Variants in SLC4A4 observed in about 807,000 individuals in gnomAD.
SLC4A4 encodes solute carrier family 4 member 4.
Under a neutral mutation model 111.5 loss-of-function variants are expected in SLC4A4, and 27 were observed. That is an observed-to-expected ratio of 0.24 (90% CI 0.18 to 0.33). The LOEUF (loss-of-function observed/expected upper bound fraction) is 0.33. SLC4A4 is among the 10% of genes least tolerant of loss of function. The pLI, the probability that SLC4A4 is intolerant of heterozygous loss-of-function variation, is 1.00. For missense variants in SLC4A4, 909 were observed against 1,315.5 expected (o/e 0.69, Z 4.78); for synonymous variants, 443 against 463.4 (o/e 0.96, Z 0.57).
chr4:71,542,168 C>G (rs534288146), intron 18 of SLC4A4, among the ~76,000 whole-genome samples: 2 of 152,058 alleles, frequency 1.3e-5, no homozygotes, highest in Non-Finnish European at 2.9e-5. Flanking sequence ...TAATGTTTGT[C>G]GGACACTGTA....
chr4:71,324,226 G>C (rs1727335128), intron 3 of SLC4A4, among the ~76,000 whole-genome samples: 1 of 151,886 alleles, frequency 6.6e-6, no homozygotes, highest in Non-Finnish European at 1.5e-5. Flanking sequence ...ATGGTATCAT[G>C]GAAGGTGAAA....
intron 1 of SLC4A4, among the ~76,000 whole-genome samples, chr4:71,220,361 T>C (rs1314223376): frequency 6.6e-6 from 1 of 152,198 alleles, no homozygotes; most frequent in African/African-American, 2.4e-5. Context: ...ACGTAACTTT[T>C]ATATGCATTG....
chr4:71,251,286 A>G (rs991779707), intron 2 of SLC4A4, among the ~76,000 whole-genome samples: 3 of 152,232 alleles, frequency 2.0e-5, no homozygotes, highest in Admixed American at 2.0e-4. Context: ...TTTGTTTGCC[A>G]GAAAACATTG....
At chr4:71,325,217 A>G (rs1330310510) in intron 3 of SLC4A4, among the ~76,000 whole-genome samples, 1 of 151,866 alleles carries the variant, frequency 6.6e-6, no homozygotes, top group African/African-American at 2.4e-5. Context: ...TAACTTGTAC[A>G]CATCTCTCCA....
chr4:71,345,709 C>T (rs1411285414), intron 4 of SLC4A4, among the ~76,000 whole-genome samples: 1 of 151,974 alleles, frequency 6.6e-6, no homozygotes, highest in African/African-American at 2.4e-5. Context: ...AGACTGCTCT[C>T]TCCCAGTCTA....
At chr4:71,087,384 T>A (rs1045911680) in intron 1 of SLC4A4, among the ~76,000 whole-genome samples, 5 of 152,042 alleles carry the variant, frequency 3.3e-5, no homozygotes, top group East Asian at 1.9e-4. Context: ...TTTTGAAGGG[T>A]TTTTTGTGTC....
At chr4:71,312,618 AT>A (rs1388768340) in intron 3 of SLC4A4, among the ~76,000 whole-genome samples, 1 of 152,218 alleles carries the variant, frequency 6.6e-6, no homozygotes, top group African/African-American at 2.4e-5. Flanking sequence ...CTGGTTCAAC[AT>A]ATGCAAATCA....
chr4:71,309,111 G>A (rs974819892), intron 3 of SLC4A4, among the ~76,000 whole-genome samples: 11 of 152,132 alleles, frequency 7.2e-5, no homozygotes, highest in South Asian at 6.2e-4. Context: ...AGGACTGGAC[G>A]TAACTCAACA....
chr4:71,289,914 A>G (rs1319017623), intron 3 of SLC4A4, among the ~76,000 whole-genome samples: 1 of 152,234 alleles, frequency 6.6e-6, no homozygotes, highest in Non-Finnish European at 1.5e-5. Flanking sequence ...TCTTGAGTAT[A>G]TGCAATGTGC....
chr4:71,563,970 A>C (rs1328490528), intron 24 of SLC4A4, 81 bp downstream of exon 24: 1 of 881,262 alleles, frequency 1.1e-6, no homozygotes, highest in African/African-American at 1.7e-5. Flanking sequence ...GGCCATCTGC[A>C]TTAACTTTCC....
In SLC4A4 at chr4:71,466,543, C is replaced by T. The variant is rs1294684623; in HGVS notation, c.1597C>T (p.Leu533=). The T allele has an allele frequency of 6.2e-7, 1 of 1,613,408 alleles. No individual in the cohort carries two copies. The highest frequency in any genetic ancestry group is 8.5e-7 in the Non-Finnish European group (1 of 1,179,686). ...TATTCTGAGCAGCACCGGACCTGTC[C>T]TAGTTTTTGAGAGGCTTCTATTTAA... ...LTILSSTGPV[L]VFERLLFNFS... Residue 533 remains leucine, a synonymous_variant, in exon 13 of 26, where the codon CTA becomes TTA. Transcript: ENST00000264485.
chr4:71,233,173 T>C (rs1177836680), intron 1 of SLC4A4: 1 of 624,072 alleles, frequency 1.6e-6, no homozygotes, highest in Admixed American at 6.3e-5. Flanking sequence ...CTTGTCTGTC[T>C]TGCTCACTGT....
intron 2 of SLC4A4, among the ~76,000 whole-genome samples, chr4:71,240,588 A>G (rs1216032525): frequency 1.3e-5 from 2 of 152,172 alleles, no homozygotes; most frequent in Admixed American, 6.5e-5. Flanking sequence ...ACAAATTCAC[A>G]TGTCTACTGA....
At chr4:71,194,678 T>A (rs1235802493) in intron 1 of SLC4A4, among the ~76,000 whole-genome samples, 2 of 152,160 alleles carry the variant, frequency 1.3e-5, no homozygotes, top group African/African-American at 2.4e-5. Context: ...CCATGAGTGA[T>A]CCCCAAAGCT....
intron 3 of SLC4A4, among the ~76,000 whole-genome samples, chr4:71,326,609 C>G (rs62302787): frequency 6.6e-6 from 1 of 151,962 alleles, no homozygotes; most frequent in Non-Finnish European, 1.5e-5. Context: ...GTCATTCATG[C>G]GAAGCATTTG....
At chr4:71,527,846 T>G (rs1045543428) in intron 16 of SLC4A4, among the ~76,000 whole-genome samples, 1 of 152,098 alleles carries the variant, frequency 6.6e-6, no homozygotes, top group African/African-American at 2.4e-5. Flanking sequence ...ATAAATTTTT[T>G]GTTCTTTAGC....
At chr4:71,156,700 A>T (rs1001442965) in intron 2 of SLC4A4, among the ~76,000 whole-genome samples, 3 of 151,180 alleles carry the variant, frequency 2.0e-5, no homozygotes, top group African/African-American at 7.4e-5. Context: ...AAAAAAAGAT[A>T]CATAACATAA....
intron 7 of SLC4A4, among the ~76,000 whole-genome samples, chr4:71,435,193 A>T (rs2149047537): frequency 6.6e-6 from 1 of 152,330 alleles, no homozygotes; most frequent in South Asian, 2.1e-4. Context: ...ACAGCATGGT[A>T]CTGGTACCAA....
intron 2 of SLC4A4, among the ~76,000 whole-genome samples, chr4:71,151,051 A>G (rs10029546): frequency 0.47 from 71,733 of 152,146 alleles, 19,928 homozygotes; most frequent in East Asian, 0.72. Context: ...GGCTGTTTAT[A>G]TTTAATTTTA....
Sources: allele counts gnomAD v4.1 joint callset (sites outside exome capture counted in the v4.1 genomes callset), GRCh38; gene constraint gnomAD v4.1.1; transcripts MANE v1.5; gene names NCBI Gene and HGNC (gene_info 2026-07-23, HGNC 2026-07-21).